Variants in IMMP2L observed in about 807,000 individuals in gnomAD.
The protein encoded by IMMP2L is mitochondrial inner membrane protease subunit 2.
IMMP2L carries 18 observed loss-of-function variants against 19.3 expected under a neutral mutation model. The observed-to-expected ratio is 0.93, with a 90% CI of 0.64 to 1.38. The LOEUF (loss-of-function observed/expected upper bound fraction) is 1.38, where lower values mean the gene tolerates loss of function less well. Among genes scored for constraint, IMMP2L ranks in the 40% most tolerant of loss-of-function variants. The probability of loss-of-function intolerance (pLI) is 0.00; values close to 1 mark genes in which losing one functional copy is unlikely to be tolerated. For missense variants in IMMP2L, 233 were observed against 218.2 expected (o/e 1.07, Z -0.43); for synonymous variants, 76 against 73.0 (o/e 1.04, Z -0.21).
intron 3 of IMMP2L, among the ~76,000 whole-genome samples, chr7:111,378,822 G>C (rs114407006): frequency 0.011 from 1,684 of 151,954 alleles, 33 homozygotes; most frequent in African/African-American, 0.037. Flanking sequence ...GCTCTATCAT[G>C]AAGGTGAATT....
At chr7:111,147,827 A>C (rs1191925733) in intron 3 of IMMP2L, among the ~76,000 whole-genome samples, 2 of 152,296 alleles carry the variant, frequency 1.3e-5, no homozygotes, top group East Asian at 3.9e-4. Flanking sequence ...CAGAATTCCA[A>C]AAGTTAAACA....
chr7:111,300,969 C>T (rs571781362), intron 3 of IMMP2L, among the ~76,000 whole-genome samples: 52 of 152,172 alleles, frequency 3.4e-4, no homozygotes, highest in African/African-American at 1.3e-3. Context: ...AGTGCAATTG[C>T]TGGGTCGTAT....
At chr7:110,992,094 G>A (rs1822536654) in intron 3 of IMMP2L, among the ~76,000 whole-genome samples, 1 of 151,994 alleles carries the variant, frequency 6.6e-6, no homozygotes, top group Non-Finnish European at 1.5e-5. Context: ...TATAATACAT[G>A]CTACAATTAT....
At chr7:111,101,689 T>C (rs1194071170) in intron 3 of IMMP2L, among the ~76,000 whole-genome samples, 3 of 151,514 alleles carry the variant, frequency 2.0e-5, no homozygotes, top group Non-Finnish European at 4.4e-5. Context: ...GTCTTGTGTC[T>C]TCCCTGAGAA....
chr7:111,279,318 T>C (rs1389823351), intron 3 of IMMP2L, among the ~76,000 whole-genome samples: 1 of 152,192 alleles, frequency 6.6e-6, no homozygotes, highest in Non-Finnish European at 1.5e-5. Flanking sequence ...AAGTGCCAAC[T>C]TCCAGAAACT....
At chr7:111,017,355 C>A (rs564002728) in intron 3 of IMMP2L, among the ~76,000 whole-genome samples, 3 of 151,964 alleles carry the variant, frequency 2.0e-5, no homozygotes, top group African/African-American at 7.3e-5. Context: ...TGAGCCACTG[C>A]GCCCAGCCTT....
chr7:111,013,165 G>A (rs1467339817), intron 3 of IMMP2L, among the ~76,000 whole-genome samples: 1 of 152,146 alleles, frequency 6.6e-6, no homozygotes, highest in Non-Finnish European at 1.5e-5. Context: ...TGAGGCTGTT[G>A]TGGTAAACAT....
At chr7:111,360,198 A>G (rs1829130899) in intron 3 of IMMP2L, among the ~76,000 whole-genome samples, 1 of 152,188 alleles carries the variant, frequency 6.6e-6, no homozygotes, top group Admixed American at 6.6e-5. Context: ...TGGAGCTAAA[A>G]TCAAATACAG....
intron 5 of IMMP2L, among the ~76,000 whole-genome samples, chr7:110,808,063 T>C (rs1223035658): frequency 6.6e-6 from 1 of 152,068 alleles, no homozygotes; most frequent in Non-Finnish European, 1.5e-5. Flanking sequence ...GGAAAGTACA[T>C]GGGAAAATAT....
chr7:110,860,694 TAG>T (rs1807306679), intron 5 of IMMP2L, among the ~76,000 whole-genome samples: 1 of 152,126 alleles, frequency 6.6e-6, no homozygotes, highest in Non-Finnish European at 1.5e-5. Context: ...TCACAAATTA[TAG>T]AGTTTAAATT....
intron 3 of IMMP2L, among the ~76,000 whole-genome samples, chr7:110,986,287 T>C (rs763234787): frequency 6.6e-6 from 1 of 152,108 alleles, no homozygotes; most frequent in Non-Finnish European, 1.5e-5. Context: ...TACACCAACT[T>C]CCTACCCCTG....
rs973335676 is a variant in IMMP2L, at chr7:111,561,912, T to A, written c.-64A>T. 2.6e-5 allele frequency: 4 copies of A among 152,692 alleles called. No homozygotes were observed. The East Asian group carries it at 7.7e-4, about 30-fold the overall frequency. The allele number at this position is 152,692 out of a possible 1,614,324, so 9.5% of individuals were successfully genotyped here. ...TGGTTATTTTGTGCCCTCGCCCAAT[T>A]TGGCCAAAACCCTAAAAGTAAAAAA... On this transcript the variant is annotated 5_prime_UTR_variant, in exon 1 of 6. Transcript: ENST00000405709.
At chr7:111,291,360 G>A in intron 3 of IMMP2L, among the ~76,000 whole-genome samples, 1 of 152,174 alleles carries the variant, frequency 6.6e-6, no homozygotes, top group Middle Eastern at 3.2e-3. Flanking sequence ...ATCTCACAGA[G>A]TCCCTAAGGA....
chr7:111,518,203 T>A (rs1408793967), intron 2 of IMMP2L, among the ~76,000 whole-genome samples: 1 of 152,082 alleles, frequency 6.6e-6, no homozygotes, highest in Admixed American at 6.6e-5. Context: ...GTATTTCTCA[T>A]AGAGGGAATC....
At chr7:111,483,989 G>A (rs893651478) in intron 3 of IMMP2L, among the ~76,000 whole-genome samples, 1 of 152,118 alleles carries the variant, frequency 6.6e-6, no homozygotes, top group Non-Finnish European at 1.5e-5. Context: ...ATAAAACAAA[G>A]TAACACAAAA....
chr7:110,853,246 G>T (rs1160227717), intron 5 of IMMP2L, among the ~76,000 whole-genome samples: 1 of 151,814 alleles, frequency 6.6e-6, no homozygotes, highest in Non-Finnish European at 1.5e-5. Context: ...GTTCTGGTGG[G>T]ACTTGAAATT....
chr7:111,356,476 G>A (rs1220947870), intron 3 of IMMP2L, among the ~76,000 whole-genome samples: 1 of 152,066 alleles, frequency 6.6e-6, no homozygotes, highest in Admixed American at 6.6e-5. Flanking sequence ...TTATATCAGG[G>A]ATTTGAGCAT....
At chr7:111,141,691 G>A (rs1243906526) in intron 3 of IMMP2L, among the ~76,000 whole-genome samples, 1 of 152,040 alleles carries the variant, frequency 6.6e-6, no homozygotes, top group Non-Finnish European at 1.5e-5. Flanking sequence ...GAACACACGT[G>A]CTCAATCAAT....
intron 3 of IMMP2L, among the ~76,000 whole-genome samples, chr7:111,134,713 T>C (rs1399872377): frequency 6.6e-6 from 1 of 152,090 alleles, no homozygotes; most frequent in Non-Finnish European, 1.5e-5. Context: ...AAAAAAACTT[T>C]CGGAGATTTT....
Sources: gnomAD v4.1 joint callset for allele counts (sites outside exome capture counted in the v4.1 genomes callset) on GRCh38, gnomAD v4.1.1 for gene constraint, MANE v1.5 for transcripts, NCBI Gene and HGNC (gene_info 2026-07-23, HGNC 2026-07-21) for gene names.